ADGRD1: variants seen among roughly 807,000 people sequenced by gnomAD.
ADGRD1 encodes the protein adhesion G protein-coupled receptor D1.
A neutral mutation model predicts 113.4 loss-of-function variants in ADGRD1; 77 were observed. The observed-to-expected ratio is 0.68, with a 90% confidence interval of 0.57 to 0.82. The LOEUF (loss-of-function observed/expected upper bound fraction) is 0.82. Among genes scored for constraint, ADGRD1 ranks in the 40% least tolerant of loss-of-function variants. The pLI is 0.00. For missense variants in ADGRD1, 1,036 were observed against 1,139.1 expected (o/e 0.91, Z 1.30); for synonymous variants, 474 against 475.0 (o/e 1.00, Z 0.03).
chr12:131,034,122 T>G (rs1355841359), intron 13 of ADGRD1, among the ~76,000 whole-genome samples: 2 of 152,160 alleles, frequency 1.3e-5, no homozygotes, highest in Non-Finnish European at 2.9e-5. Context: ...GGTGTCACCC[T>G]GTGCTCGAAC....
At chr12:131,086,248 G>T (rs1886458193) in intron 15 of ADGRD1, among the ~76,000 whole-genome samples, 1 of 152,184 alleles carries the variant, frequency 6.6e-6, no homozygotes, top group Non-Finnish European at 1.5e-5. Context: ...TGTTGAATGG[G>T]TTGGGCTTCC....
intron 14 of ADGRD1, among the ~76,000 whole-genome samples, chr12:131,080,987 G>A (rs1488913295): frequency 6.6e-6 from 1 of 152,180 alleles, no homozygotes; most frequent in Admixed American, 6.5e-5. Flanking sequence ...GTTTAGGATT[G>A]TTATGTCTTC....
intron 12 of ADGRD1, among the ~76,000 whole-genome samples, chr12:131,007,682 C>T (rs1195945141): frequency 6.6e-6 from 1 of 152,240 alleles, no homozygotes; most frequent in Non-Finnish European, 1.5e-5. Context: ...AATTGGACAG[C>T]CAAGTCATCC....
chr12:131,132,149 C>T (rs1194259256), intron 21 of ADGRD1, among the ~76,000 whole-genome samples: 2 of 152,194 alleles, frequency 1.3e-5, no homozygotes, highest in Non-Finnish European at 2.9e-5. Context: ...CCTGCCAGTC[C>T]CGCATCTGCC....
rs1008705423 is a variant in ADGRD1, at chr12:131,084,894, G to C, written c.1671+231G>C. Among the ~76,000 whole-genome samples the C allele has an allele frequency of 7.9e-5, 12 of 152,208 alleles. No individual in the cohort carries two copies. The highest frequency in any genetic ancestry group is 7.8e-4 in the Admixed American group (12 of 15,290). On this transcript the variant is annotated intron_variant, in intron 15 of 24. Transcript: ENST00000261654. The surrounding 1 kb of genome is among the most constrained non-coding windows in gnomAD (Gnocchi z 4.5). Reference sequence around the variant, plus strand: ...CCCATGATTGTGTAAATCGAGTCCAGTGTGGTGTGCTTCGCACAGCAACGC... The same window carrying C: ...CCCATGATTGTGTAAATCGAGTCCACTGTGGTGTGCTTCGCACAGCAACGC...
At chr12:131,086,492 C>T (rs530753614) in intron 15 of ADGRD1, among the ~76,000 whole-genome samples, 51 of 152,332 alleles carry the variant, frequency 3.3e-4, no homozygotes, top group Non-Finnish European at 6.5e-4. Context: ...ACCTAAGCCA[C>T]GGGGTTCTGT....
In ADGRD1 at chr12:131,027,411, C is replaced by T. The variant is rs374342116; in HGVS notation, c.1473+13071C>T. ...TGTCTATATTTCCGTGCCAGTAGCT[C>T]AGACTGTATCATCATTCTCACGGCT... On this transcript the variant is annotated intron_variant, in intron 13 of 24. Transcript: ENST00000261654. This position sits in a 1 kb window ranked among gnomAD's most constrained non-coding sequence, Gnocchi z 5.1. The T allele has an allele frequency of 6.6e-5, 10 of 152,162 alleles. No homozygotes were observed. Among genetic ancestry groups the T allele is most frequent in the African/African-American group, 2.2e-4 (9 of 41,442 alleles). The allele number at this position is 152,162 out of a possible 1,614,324, so 9.4% of individuals were successfully genotyped here. A position where few individuals can be genotyped will look rare whatever the true frequency, so the allele number is the denominator to read the frequency against.
intron 4 of ADGRD1, chr12:130,981,196 T>C (rs1362218681): frequency 6.6e-6 from 1 of 152,228 alleles, no homozygotes; most frequent in Non-Finnish European, 1.5e-5. Flanking sequence ...TCAAGTTCTG[T>C]TTGAAAATTT....
intron 12 of ADGRD1, among the ~76,000 whole-genome samples, chr12:131,011,514 C>T (rs1013669410): frequency 1.3e-5 from 2 of 152,154 alleles, no homozygotes; most frequent in African/African-American, 4.8e-5. Context: ...CCCACTGTGT[C>T]AGGCGTGGTT....
Position 130,990,248 on chromosome 12 carries a change from AC to A in ADGRD1, c.746-763del, listed in dbSNP as rs548318878. The A allele has an allele frequency of 3.9e-5, 6 of 151,920 alleles. No individual in the cohort carries two copies. In the East Asian group the frequency reaches 1.2e-3, roughly 29 times the overall value. The allele number at this position is 151,920 out of a possible 1,614,324, so 9.4% of individuals were successfully genotyped here. A position where few individuals can be genotyped will look rare whatever the true frequency, so the allele number is the denominator to read the frequency against. ...TCACCAGCAGCCCAACCCCACCCAA[AC>A]CCAAGGGCTCAGTCACTCCTGCAGC... On this transcript the variant is annotated intron_variant, in intron 6 of 24. Coordinates refer to ENST00000261654, the MANE Select transcript of ADGRD1 (RefSeq NM_198827.5).
chr12:131,103,893 A>G (rs1290900920), intron 15 of ADGRD1, among the ~76,000 whole-genome samples: 1 of 152,144 alleles, frequency 6.6e-6, no homozygotes, highest in African/African-American at 2.4e-5. Flanking sequence ...CCTGCACGTG[A>G]GCAGCTGGGA....
chr12:130,961,120 G>T (rs994524339), intron 2 of ADGRD1, among the ~76,000 whole-genome samples: 1 of 152,298 alleles, frequency 6.6e-6, no homozygotes, highest in Non-Finnish European at 1.5e-5. Context: ...TTATTTCCCT[G>T]CAGGAAACCA....
chr12:131,106,468 G>C (rs1184535221), intron 17 of ADGRD1, among the ~76,000 whole-genome samples: 1 of 152,214 alleles, frequency 6.6e-6, no homozygotes, highest in East Asian at 1.9e-4. Context: ...GCAGTGGAAT[G>C]ATGTGGGCTT....
At chr12:130,978,705 GA>G (rs1482690399) in intron 4 of ADGRD1, 1 of 152,156 alleles carries the variant, frequency 6.6e-6, no homozygotes, top group Non-Finnish European at 1.5e-5. Flanking sequence ...ACACCACATG[GA>G]ATTTTTTTAT....
chr12:131,049,554 C>T (rs1379453779), intron 13 of ADGRD1, among the ~76,000 whole-genome samples: 1 of 152,216 alleles, frequency 6.6e-6, no homozygotes, highest in Non-Finnish European at 1.5e-5. Flanking sequence ...CTCATCCGTG[C>T]ACCACCCAGA....
chr12:131,121,004 G>T, intron 20 of ADGRD1, 91 bp downstream of exon 20: 1 of 1,175,936 alleles, frequency 8.5e-7, no homozygotes. Context: ...GGGGCTCCCT[G>T]AGGAGCTTCC....
At chr12:130,962,544 A>C (rs1230547449) in intron 2 of ADGRD1, 1 of 152,218 alleles carries the variant, frequency 6.6e-6, no homozygotes, top group Non-Finnish European at 1.5e-5. Context: ...CTTCAAAATG[A>C]ATATCCTAGA....
chr12:131,010,879 C>T (rs1203933051), intron 12 of ADGRD1, among the ~76,000 whole-genome samples: 2 of 152,142 alleles, frequency 1.3e-5, no homozygotes, highest in Admixed American at 6.5e-5. Flanking sequence ...GAGGGGCCCC[C>T]GGGGCAGCGA....
chr12:130,959,069 C>T lies in ADGRD1; in HGVS notation c.103+4409C>T, dbSNP rs528888225. Among the ~76,000 whole-genome samples, 9 of 152,236 alleles carry T rather than the reference C, an allele frequency of 5.9e-5. No individual in the cohort carries two copies. The South Asian group carries it at 8.3e-4, about 14-fold the overall frequency. ...AAAACAGCAGCCGAGTGGTCAGTAC[C>T]GGGACATAGGTTCGCTCAGGTGCTG... is the stretch of plus-strand genomic sequence containing the variant. On this transcript the variant is annotated intron_variant, in intron 2 of 24. Transcript: ENST00000261654.
Sources: allele counts gnomAD v4.1 joint callset (sites outside exome capture counted in the v4.1 genomes callset), GRCh38; gene constraint gnomAD v4.1.1; non-coding constraint Gnocchi (gnomAD v3.1); transcripts MANE v1.5; gene names NCBI Gene and HGNC (gene_info 2026-07-23, HGNC 2026-07-21).